Variants in ZPBP observed in about 807,000 individuals in gnomAD.
ZPBP encodes the protein zona pellucida-binding protein 1.
In ZPBP, 26 loss-of-function variants were observed where a neutral mutation model predicts 44.8. The observed-to-expected ratio is 0.58, with a 90% CI of 0.43 to 0.81. The LOEUF is 0.81. Ranked by LOEUF, ZPBP falls within the 30% of genes least tolerant of loss-of-function variation. The probability of loss-of-function intolerance (pLI) is 0.00; values close to 1 mark genes in which losing one functional copy is unlikely to be tolerated. For missense variants in ZPBP, 409 were observed against 434.0 expected (o/e 0.94, Z 0.51); for synonymous variants, 174 against 153.2 (o/e 1.14, Z -1.00).
intron 1 of ZPBP, 22 bp downstream of exon 1, chr7:50,093,046 G>C (rs1455890586): frequency 1.3e-5 from 21 of 1,592,138 alleles, no homozygotes; most frequent in Admixed American, 1.8e-5. Flanking sequence ...TGCGGAGCCG[G>C]CAGGGCGGCG....
chr7:50,057,692 A>C (rs1801030306), intron 4 of ZPBP, among the ~76,000 whole-genome samples: 1 of 152,232 alleles, frequency 6.6e-6, no homozygotes, highest in South Asian at 2.1e-4. Context: ...AATTTAATAT[A>C]GTACAAGCCA....
chr7:50,040,203 A>G (rs1023941942), intron 4 of ZPBP, among the ~76,000 whole-genome samples: 10 of 152,262 alleles, frequency 6.6e-5, no homozygotes, highest in African/African-American at 9.6e-5. Flanking sequence ...AGATTTAAAA[A>G]GTTATATCCA....
chr7:49,921,067 C>T (rs1204218609), intron 1 of ZPBP: 2 of 152,150 alleles, frequency 1.3e-5, no homozygotes, highest in African/African-American at 4.8e-5. Context: ...ACAACTGTAA[C>T]CACTAATAAA....
At position 49,946,104 on chromosome 7, in the gene ZPBP, T is replaced by C. The variant is rs542244307; in HGVS notation, c.962-8482A>G. 1.1e-4 allele frequency among the ~76,000 whole-genome samples: 16 copies of C among 152,296 alleles called. No individual in the cohort carries two copies. The South Asian group carries it at 3.3e-3, about 32-fold the overall frequency. Reference sequence around the variant, plus strand: ...CAAAGAGAAAACTAGTAAAAAACTCTACAGTTTAACTTCATCCCCCCCTTT... The same window carrying C: ...CAAAGAGAAAACTAGTAAAAAACTCCACAGTTTAACTTCATCCCCCCCTTT... On this transcript the variant is annotated intron_variant, in intron 7 of 7. Coordinates refer to ENST00000046087, the MANE Select transcript of ZPBP (RefSeq NM_007009.3).
intron 1 of ZPBP, among the ~76,000 whole-genome samples, chr7:49,911,771 CCT>C (rs1447085982): frequency 6.6e-6 from 1 of 151,738 alleles, no homozygotes; most frequent in Non-Finnish European, 1.5e-5. Context: ...GTGGCATGCC[CCT>C]GTAATCCTAG....
chr7:49,958,042 G>C (rs936961417), intron 7 of ZPBP, among the ~76,000 whole-genome samples: 1 of 152,162 alleles, frequency 6.6e-6, no homozygotes, highest in African/African-American at 2.4e-5. Flanking sequence ...GTTGGGTTTT[G>C]GACTTCCTTA....
rs375012181 is a variant in ZPBP, at chr7:49,990,257, A to G, written c.784-6738T>C. On this transcript the variant is annotated intron_variant, in intron 6 of 7. Coordinates refer to ENST00000046087, the MANE Select transcript of ZPBP (RefSeq NM_007009.3). ...ATGAGGTCTAGAAAACTCAAAGGCT[A>G]CTGACAGCAGAGGGGATAGGGCGTA... 1.5e-3 allele frequency among the ~76,000 whole-genome samples: 230 copies of G among 152,352 alleles called. 3 individuals are homozygous for G. The highest frequency in any genetic ancestry group is 5.3e-3 in the African/African-American group (220 of 41,592).
intron 3 of ZPBP, among the ~76,000 whole-genome samples, chr7:50,067,925 A>G (rs1233763389): frequency 6.6e-6 from 1 of 152,116 alleles, no homozygotes; most frequent in East Asian, 1.9e-4. Flanking sequence ...CCTTCTAAGG[A>G]CTTCTAATTT....
At chr7:49,979,125 T>G (rs1165744427) in intron 7 of ZPBP, among the ~76,000 whole-genome samples, 2 of 152,042 alleles carry the variant, frequency 1.3e-5, no homozygotes, top group African/African-American at 4.8e-5. Context: ...AACTTGATGC[T>G]CATTCATGCT....
chr7:49,857,823 A>G (rs994751417), intron 2 of ZPBP, among the ~76,000 whole-genome samples: 2 of 152,188 alleles, frequency 1.3e-5, no homozygotes, highest in African/African-American at 4.8e-5. Context: ...AGTGAATCAG[A>G]GCTTCAATTT....
rs71018444 is a variant in ZPBP at position 50,005,823 on chromosome 7, ATGTGTGTGTGTG to A, written c.783+12405_783+12416del. 1.9e-3 allele frequency among the ~76,000 whole-genome samples: 278 copies of A among 144,906 alleles called. 3 individuals are homozygous for A. The highest frequency in any genetic ancestry group is 0.017 in the Middle Eastern group (5 of 286). On this transcript the variant is annotated intron_variant, in intron 6 of 7. Coordinates refer to ENST00000046087, the MANE Select transcript of ZPBP (RefSeq NM_007009.3). ...AATGAGTTAAACTTCATAACTATAT[ATGTGTGTGTGTG>A]TGTGTGTGTGTGTGTGTGTGTGTGT...
At chr7:49,849,361 TAAG>T (rs1378879708), downstream of ZPBP, among the ~76,000 whole-genome samples, 1 of 152,214 alleles carries the variant, frequency 6.6e-6, no homozygotes, top group East Asian at 1.9e-4. Flanking sequence ...ATTAGATGGC[TAAG>T]AAGGGAGTTT....
chr7:50,059,478 C>T (rs1031665390), intron 3 of ZPBP, among the ~76,000 whole-genome samples: 6 of 152,048 alleles, frequency 3.9e-5, no homozygotes, highest in African/African-American at 7.2e-5. Flanking sequence ...TATTGTAATG[C>T]CTATTTCTTC....
At chr7:49,993,777 G>C (rs1159416315) in intron 6 of ZPBP, among the ~76,000 whole-genome samples, 1 of 152,166 alleles carries the variant, frequency 6.6e-6, no homozygotes, top group Non-Finnish European at 1.5e-5. Flanking sequence ...AAGGCTTAGT[G>C]AATGGGAATC....
intron 5 of ZPBP, among the ~76,000 whole-genome samples, chr7:50,022,039 T>C (rs1799124109): frequency 6.6e-6 from 1 of 152,140 alleles, no homozygotes; most frequent in Non-Finnish European, 1.5e-5. Flanking sequence ...TGGGATGATA[T>C]ATTTAAAGAA....
intron 2 of ZPBP, among the ~76,000 whole-genome samples, chr7:49,862,417 A>G (rs956371780): frequency 1.3e-5 from 2 of 152,150 alleles, no homozygotes; most frequent in African/African-American, 4.8e-5. Context: ...AACCGTGAAT[A>G]GAGATAGTTT....
chr7:50,039,051 G>A (rs560310914), intron 4 of ZPBP, among the ~76,000 whole-genome samples: 9 of 152,210 alleles, frequency 5.9e-5, no homozygotes, highest in South Asian at 2.1e-4. Context: ...TGTAAAACAC[G>A]TAAGGAAACG....
chr7:50,040,175 A>G (rs1302225674), intron 4 of ZPBP, among the ~76,000 whole-genome samples: 1 of 152,232 alleles, frequency 6.6e-6, no homozygotes, highest in Non-Finnish European at 1.5e-5. Flanking sequence ...AGCCAATCAA[A>G]AAGCAGATGG....
chr7:49,870,077 G>T (rs1791078049), intron 2 of ZPBP, among the ~76,000 whole-genome samples: 1 of 152,162 alleles, frequency 6.6e-6, no homozygotes, highest in Non-Finnish European at 1.5e-5. Context: ...GTGTAGTACT[G>T]ATTGGGAAGG....
Sources: allele counts gnomAD v4.1 joint callset (sites outside exome capture counted in the v4.1 genomes callset), GRCh38; gene constraint gnomAD v4.1.1; transcripts MANE v1.5; gene names NCBI Gene and HGNC (gene_info 2026-07-23, HGNC 2026-07-21).